SRGAP2C: variants seen among roughly 807,000 people sequenced by gnomAD.
SRGAP2C encodes the protein SLIT-ROBO Rho GTPase activating protein 2C.
Under a neutral mutation model 25.1 loss-of-function variants are expected in SRGAP2C, and 15 were observed. The observed-to-expected ratio is 0.60, with a 90% CI of 0.40 to 0.92. The LOEUF (loss-of-function observed/expected upper bound fraction) is 0.92. Ranked by LOEUF, SRGAP2C falls within the 40% of genes least tolerant of loss-of-function variation. The probability of loss-of-function intolerance (pLI) is 0.00; values close to 1 mark genes in which losing one functional copy is unlikely to be tolerated. For synonymous variants in SRGAP2C, 44 were observed against 96.6 expected, an observed-to-expected ratio of 0.46 and a Z score of 3.19; for missense variants, 144 against 264.4, an observed-to-expected ratio of 0.54 and a Z score of 3.16.
At chr1:121,367,007 C>A (rs1171981019) in intron 5 of SRGAP2C, among the ~76,000 whole-genome samples, 2 of 142,636 alleles carry the variant, frequency 1.4e-5, no homozygotes, top group African/African-American at 5.2e-5. Flanking sequence ...GAACTTATTT[C>A]TCTGGTCTGC....
rs1359578386 is a variant in SRGAP2C at position 121,355,274 on chromosome 1, T to C, written c.424-10019T>C. ...TGACCTAAATGACATATATGGATAC[T>C]GCGCCTGACAACTGCGGGTAGATAC... On this transcript the variant is annotated intron_variant, in intron 4 of 9. Coordinates refer to ENST00000367123, the MANE Select transcript of SRGAP2C (RefSeq NM_001329984.2). Among the ~76,000 whole-genome samples, 113 of 145,120 alleles carry C rather than the reference T, an allele frequency of 7.8e-4. 2 individuals carry two copies. Among genetic ancestry groups the C allele is most frequent in the South Asian group, 4.5e-4 (2 of 4,494 alleles).
At chr1:121,336,102 G>A (rs1658509317) in intron 4 of SRGAP2C, among the ~76,000 whole-genome samples, 2 of 152,078 alleles carry the variant, frequency 1.3e-5, no homozygotes, top group Non-Finnish European at 2.9e-5. Context: ...TGTTTATCAA[G>A]CCCCTCTAAC....
intron 3 of SRGAP2C, among the ~76,000 whole-genome samples, chr1:121,305,097 C>A (rs1388571163): frequency 2.7e-5 from 4 of 147,854 alleles, no homozygotes; most frequent in African/African-American, 9.9e-5. Context: ...TCTAAGCAAG[C>A]CATCTTATGG....
chr1:121,314,457 C>T (rs1268250862), intron 3 of SRGAP2C, among the ~76,000 whole-genome samples: 7 of 152,178 alleles, frequency 4.6e-5, no homozygotes, highest in African/African-American at 9.7e-5. Flanking sequence ...ATCTTTGTTC[C>T]GTTACTGGTG....
At chr1:121,323,220 C>T (rs1352685657) in intron 3 of SRGAP2C, among the ~76,000 whole-genome samples, 3 of 148,834 alleles carry the variant, frequency 2.0e-5, no homozygotes, top group Non-Finnish European at 3.0e-5. Flanking sequence ...TTGTTTCTCT[C>T]CTTAAAGAAA....
At chr1:121,374,568 A>C (rs1264539381) in intron 6 of SRGAP2C, among the ~76,000 whole-genome samples, 1 of 152,150 alleles carries the variant, frequency 6.6e-6, no homozygotes, top group Non-Finnish European at 1.5e-5. Flanking sequence ...GTGGCATTGC[A>C]AGAATGAAGA....
At chr1:121,235,122 C>T (rs1315730723) in intron 2 of SRGAP2C, among the ~76,000 whole-genome samples, 26 of 146,312 alleles carry the variant, frequency 1.8e-4, no homozygotes, top group Non-Finnish European at 2.9e-4. Flanking sequence ...CCCGGGTTCA[C>T]GCCATTCTCC....
Position 121,310,496 on chromosome 1 carries a change from G to A in SRGAP2C, c.261-13982G>A, listed in dbSNP as rs1198410105. ...TTGGTGTTTTGGACATGAAGTCCTT[G>A]CCCACGCCTATGTCCTGAATGGTAA... On this transcript the variant is annotated intron_variant, in intron 3 of 9. Coordinates refer to ENST00000367123, the MANE Select transcript of SRGAP2C (RefSeq NM_001329984.2). 3.7e-5 allele frequency among the ~76,000 whole-genome samples: 3 copies of A among 80,634 alleles called. No homozygotes were observed. In the East Asian group the frequency reaches 1.4e-3, roughly 37 times the overall value. 52.9% of individuals were successfully genotyped at this position (80,634 alleles called of 152,430 possible). A position where few individuals can be genotyped will look rare whatever the true frequency, so the allele number is the denominator to read the frequency against.
chr1:121,231,747 C>T (rs1306406308), intron 2 of SRGAP2C, among the ~76,000 whole-genome samples: 1 of 127,840 alleles, frequency 7.8e-6, no homozygotes, highest in Non-Finnish European at 1.6e-5. Context: ...AGGGGTCAAT[C>T]TGAAATTAGG....
At chr1:121,374,693 C>A (rs587743140) in intron 6 of SRGAP2C, 133 bp from the exon 7 acceptor site, 17 of 611,706 alleles carry the variant, frequency 2.8e-5, no homozygotes, top group South Asian at 2.8e-4. Context: ...AGAATTAGAA[C>A]CCAATTTAAG....
chr1:121,235,219 CG>C (rs1655927981), intron 2 of SRGAP2C, among the ~76,000 whole-genome samples: 1 of 119,224 alleles, frequency 8.4e-6, no homozygotes, highest in Non-Finnish European at 1.7e-5. Flanking sequence ...TTAGCAGAGA[CG>C]GGGTTTCACC....
chr1:121,355,552 G>A lies in SRGAP2C; in HGVS notation c.424-9741G>A, dbSNP rs1225634262. ...TCTCGATCTCCTGACCTCGTGATCC[G>A]CCCGCCTCGGCCTCCCAAAGTGCTG... On this transcript the variant is annotated intron_variant, in intron 4 of 9. Transcript: ENST00000367123. Among the ~76,000 whole-genome samples the A allele has an allele frequency of 3.1e-4, 41 of 131,308 alleles. No homozygotes were observed. The East Asian group carries it at 6.0e-3, about 19-fold the overall frequency. The allele number at this position is 131,308 out of a possible 152,430, so 86.1% of individuals were successfully genotyped here. A position where few individuals can be genotyped will look rare whatever the true frequency, so the allele number is the denominator to read the frequency against.
chr1:121,337,770 C>T (rs1363127456), intron 4 of SRGAP2C, among the ~76,000 whole-genome samples: 11 of 133,278 alleles, frequency 8.3e-5, no homozygotes, highest in East Asian at 2.2e-4. Context: ...ACCACACACA[C>T]GAATAGTGTG....
intron 2 of SRGAP2C, among the ~76,000 whole-genome samples, chr1:121,208,616 C>T (rs1490214711): frequency 6.6e-6 from 1 of 152,160 alleles, no homozygotes; most frequent in Non-Finnish European, 1.5e-5. Flanking sequence ...CGCTATTTAA[C>T]AAAATGAGGT....
intron 2 of SRGAP2C, among the ~76,000 whole-genome samples, chr1:121,225,653 C>A (rs1274902389): frequency 3.5e-5 from 5 of 144,696 alleles, no homozygotes; most frequent in Non-Finnish European, 7.5e-5. Flanking sequence ...TATTATACAT[C>A]CAGCCCTTAC....
At chr1:121,304,146 G>C (rs1489884536) in intron 3 of SRGAP2C, among the ~76,000 whole-genome samples, 2 of 148,574 alleles carry the variant, frequency 1.3e-5, no homozygotes, top group East Asian at 4.0e-4. Flanking sequence ...GGGAGGTGGA[G>C]CTTGCAGTGA....
At chr1:121,370,819 T>C (rs1437821669) in intron 5 of SRGAP2C, among the ~76,000 whole-genome samples, 1 of 149,662 alleles carries the variant, frequency 6.7e-6, no homozygotes, top group African/African-American at 2.5e-5. Context: ...CTCTTCGGGC[T>C]TCTGTGATAT....
chr1:121,288,776 A>C (rs1276755756), intron 3 of SRGAP2C, among the ~76,000 whole-genome samples: 2 of 58,022 alleles, frequency 3.4e-5, no homozygotes, highest in Non-Finnish European at 6.8e-5. Context: ...GTGCACTCAC[A>C]AATCTTGAGC....
intron 2 of SRGAP2C, among the ~76,000 whole-genome samples, chr1:121,273,108 A>G (rs1415224068): frequency 2.1e-5 from 3 of 143,542 alleles, no homozygotes; most frequent in African/African-American, 7.6e-5. Context: ...GCTGTGAACT[A>G]ATCTCCCTGG....
Sources: allele counts gnomAD v4.1 joint callset (sites outside exome capture counted in the v4.1 genomes callset), GRCh38; gene constraint gnomAD v4.1.1; transcripts MANE v1.5; gene names NCBI Gene and HGNC (gene_info 2026-07-23, HGNC 2026-07-21).